The following NEO1 variants were observed in gnomAD, a reference collection of about 807,000 sequenced individuals.
NEO1 encodes the protein neogenin.
NEO1 carries 63 observed loss-of-function variants against 159.7 expected under a neutral mutation model. The ratio of observed to expected loss-of-function variants is 0.39; its 90% CI spans 0.32 to 0.49. NEO1 has a LOEUF of 0.49. NEO1 is among the 20% of genes least tolerant of loss of function. NEO1 has a pLI of 0.85. For missense variants in NEO1, 1,615 were observed against 1,831.0 expected, an observed-to-expected ratio of 0.88 and a Z score of 2.15; for synonymous variants, 633 against 662.0, an observed-to-expected ratio of 0.96 and a Z score of 0.67.
Position 73,302,622 on chromosome 15 carries a change from C to G in NEO1, c.4312C>G (p.Pro1438Ala). Residue 1438 changes from proline to alanine, a missense_variant, in exon 29 of 29, where the codon CCA (proline) becomes GCA (alanine). Physicochemically the swap from Pro to Ala is conservative, Grantham distance 27. This residue lies in a region of NEO1 where 471 missense variants were observed against 498.9 expected (regional missense o/e 0.94). Coordinates refer to ENST00000261908, the MANE Select transcript of NEO1 (RefSeq NM_002499.4). ...GTTTTCTTTTCCATAGAGCTATGAA[C>G]CAGATGAGCTGACCAAAGAGATGGC... Reference protein sequence around the residue: ...MLEDSESSYEPDELTKEMAHL... With the variant: ...MLEDSESSYEADELTKEMAHL... 6.2e-7 allele frequency: 1 copy of G among 1,613,924 alleles called. No homozygotes were observed. The highest frequency in any genetic ancestry group is 1.3e-5 in the African/African-American group (1 of 75,034).
rs768797550 is a variant in NEO1 at position 73,116,751 on chromosome 15, G to A, written c.342G>A (p.Val114=). 6.2e-7 allele frequency: 1 copy of A among 1,613,950 alleles called. No individual in the cohort carries two copies. The highest frequency in any genetic ancestry group is 8.5e-7 in the Non-Finnish European group (1 of 1,179,918). Reference sequence around the variant, plus strand: ...ATGGATCTTTATTTATCAGCAATGTGGTGCATTCCAAACACAATAAACCTG... The same window carrying A: ...ATGGATCTTTATTTATCAGCAATGTAGTGCATTCCAAACACAATAAACCTG... ...LPDGSLFISN[V]VHSKHNKPDE... is the part of the protein sequence containing the mutation. Residue 114 remains valine (V), a synonymous_variant, in exon 2 of 29, where the codon GTG becomes GTA. Transcript: ENST00000261908.
chr15:73,286,282 A>G (rs1293823569), intron 23 of NEO1, among the ~76,000 whole-genome samples: 1 of 152,234 alleles, frequency 6.6e-6, no homozygotes, highest in Non-Finnish European at 1.5e-5. Context: ...CTAAAGCCAA[A>G]GAACATTTTT....
At chr15:73,141,464 G>T (rs993628801) in intron 5 of NEO1, among the ~76,000 whole-genome samples, 1 of 152,132 alleles carries the variant, frequency 6.6e-6, no homozygotes, top group Non-Finnish European at 1.5e-5. Flanking sequence ...GGTCATGAGG[G>T]TTTTTTAAAA....
rs147535630 is a variant in NEO1, at chr15:73,298,408, G to A, written c.3962G>A (p.Cys1321Tyr). The A allele has an allele frequency of 2.2e-5, 35 of 1,614,082 alleles. 1 individual carries two copies. The African/African-American group carries it at 4.5e-4, about 21-fold the overall frequency. The change falls in exon 27 of 29, where the codon TGC (cysteine) becomes TAC (tyrosine). Residue 1321 changes from cysteine (C) to tyrosine (Y), a missense_variant. Physicochemically the swap from Cys to Tyr is radical, Grantham distance 194. Transcript: ENST00000261908. Reference protein sequence around the residue: ...TMPASSSQTCCTDHQDPEGAT... With the variant: ...TMPASSSQTCYTDHQDPEGAT... ...CCAGCCTCTTCGTCTCAAACATGCT[G>A]CACTGATCACCAGGACCCTGAAGGT...
Position 73,052,645 on chromosome 15 carries a change from G to A in NEO1, c.-31G>A. Reference sequence around the variant, plus strand: ...GAGGCAAGGGCTCCGCGGCGCTGTCGCCGCCGCTGCCGCTCACTCTCGGGG... The same window carrying A: ...GAGGCAAGGGCTCCGCGGCGCTGTCACCGCCGCTGCCGCTCACTCTCGGGG... On this transcript the variant is annotated 5_prime_UTR_variant, in exon 1 of 29. Coordinates refer to ENST00000261908, the MANE Select transcript of NEO1 (RefSeq NM_002499.4). The A allele has an allele frequency of 8.1e-7, 1 of 1,240,980 alleles. No individual in the cohort carries two copies. Among genetic ancestry groups the A allele is most frequent in the Non-Finnish European group, 1.0e-6 (1 of 986,758 alleles). 76.9% of individuals were successfully genotyped at this position (1,240,980 alleles called of 1,614,324 possible). A position where few individuals can be genotyped will look rare whatever the true frequency, so the allele number is the denominator to read the frequency against.
At chr15:73,250,527 C>G (rs1432319051) in intron 11 of NEO1, among the ~76,000 whole-genome samples, 1 of 152,064 alleles carries the variant, frequency 6.6e-6, no homozygotes, top group East Asian at 1.9e-4. Context: ...TCACGTGCCC[C>G]CTTATGTGAT....
chr15:73,139,322 A>G (rs941967195), intron 5 of NEO1, among the ~76,000 whole-genome samples: 1 of 152,184 alleles, frequency 6.6e-6, no homozygotes, highest in South Asian at 2.1e-4. Context: ...GCAAAAATAG[A>G]TAAATTGGAT....
intron 3 of NEO1, among the ~76,000 whole-genome samples, chr15:73,124,954 A>C (rs1211329144): frequency 6.6e-6 from 1 of 152,220 alleles, no homozygotes; most frequent in Non-Finnish European, 1.5e-5. Flanking sequence ...AATTAAAAAA[A>C]AGAACTATTG....
intron 9 of NEO1, among the ~76,000 whole-genome samples, chr15:73,246,567 G>A (rs1249119425): frequency 6.6e-6 from 1 of 152,192 alleles, no homozygotes; most frequent in Admixed American, 6.5e-5. Context: ...GATGAGACCT[G>A]AGGCTGGCCT....
chr15:73,280,677 T>G (rs962378117), intron 22 of NEO1, among the ~76,000 whole-genome samples: 2 of 152,168 alleles, frequency 1.3e-5, no homozygotes, highest in African/African-American at 2.4e-5. Flanking sequence ...AAACATTATT[T>G]TATTGAAGGT....
At position 73,137,038 on chromosome 15, in the gene NEO1, C is replaced by T. The variant is rs766433364; in HGVS notation, c.1015+1011C>T. On this transcript the variant is annotated intron_variant, in intron 5 of 28. Coordinates refer to ENST00000261908, the MANE Select transcript of NEO1 (RefSeq NM_002499.4). ...TCTGAGGTTCCTGGGGTTCTTTGCT[C>T]GGGGCCTCAGCCTCCTCTTTTCTTA... Among the ~76,000 whole-genome samples, 7 of 152,222 alleles carry T rather than the reference C, an allele frequency of 4.6e-5. No individual in the cohort carries two copies. The East Asian group carries it at 7.7e-4, about 17-fold the overall frequency.
At chr15:73,241,793 G>A (rs1231487974) in intron 8 of NEO1, among the ~76,000 whole-genome samples, 2 of 151,838 alleles carry the variant, frequency 1.3e-5, no homozygotes, top group African/African-American at 2.4e-5. Flanking sequence ...CTTGTTTCTG[G>A]GACCTCAGAC....
chr15:73,206,910 G>C (rs1020069435), intron 7 of NEO1, among the ~76,000 whole-genome samples: 1 of 151,998 alleles, frequency 6.6e-6, no homozygotes, highest in Non-Finnish European at 1.5e-5. Flanking sequence ...CTGGAGTGTG[G>C]TGAAGTGATC....
chr15:73,074,860 G>A (rs888975985), intron 1 of NEO1, among the ~76,000 whole-genome samples: 2 of 152,094 alleles, frequency 1.3e-5, no homozygotes, highest in Non-Finnish European at 2.9e-5. Context: ...CCAGGGTTGG[G>A]GTGCAGGAGC....
At chr15:73,121,467 A>G (rs2071642090) in intron 2 of NEO1, among the ~76,000 whole-genome samples, 2 of 152,262 alleles carry the variant, frequency 1.3e-5, no homozygotes, top group South Asian at 4.1e-4. Flanking sequence ...GTTAACTTTT[A>G]CTACTTAAGA....
intron 1 of NEO1, among the ~76,000 whole-genome samples, chr15:73,059,566 C>A (rs763771024): frequency 6.6e-6 from 1 of 152,132 alleles, no homozygotes; most frequent in African/African-American, 2.4e-5. Context: ...TTTCTGTCCT[C>A]AGGAAGCATT....
chr15:73,052,292 TCCCGCCCCCCGCC>T (rs1352629354), upstream of NEO1, among the ~76,000 whole-genome samples: 3 of 102,220 alleles, frequency 2.9e-5, no homozygotes, highest in Admixed American at 2.0e-4. Context: ...CGCCCGGGAC[TCCCGCCCCCCGCC>T]CCCGCCCCCG....
At chr15:73,274,069 C>T in intron 20 of NEO1, 64 bp downstream of exon 20, 2 of 1,434,846 alleles carry the variant, frequency 1.4e-6, no homozygotes, top group East Asian at 2.3e-5. Context: ...CTGACACTAT[C>T]ACTTGAGCAT....
At chr15:73,236,290 T>C in intron 7 of NEO1, 57 bp from the exon 8 acceptor site, 1 of 1,613,758 alleles carries the variant, frequency 6.2e-7, no homozygotes, top group Non-Finnish European at 8.5e-7. Flanking sequence ...TGACAAGATG[T>C]TGCCATCCCA....
Sources: allele counts gnomAD v4.1 joint callset (sites outside exome capture counted in the v4.1 genomes callset), GRCh38; gene constraint gnomAD v4.1.1; regional missense constraint gnomAD v4.1.1; transcripts MANE v1.5; gene names NCBI Gene and HGNC (gene_info 2026-07-23, HGNC 2026-07-21).